LDLRAD3: variants seen among roughly 807,000 people sequenced by gnomAD.
LDLRAD3 encodes the protein low-density lipoprotein receptor class A domain-containing protein 3.
In LDLRAD3, 20 loss-of-function variants were observed where a neutral mutation model predicts 29.4. The ratio of observed to expected loss-of-function variants is 0.68; its 90% CI spans 0.48 to 0.99. LDLRAD3 has a LOEUF of 0.99. Ranked by LOEUF, LDLRAD3 falls within the 50% of genes least tolerant of loss-of-function variation. The pLI is 0.00. For missense variants in LDLRAD3, 420 were observed against 454.3 expected, an observed-to-expected ratio of 0.92 and a Z score of 0.69; for synonymous variants, 157 against 192.7, an observed-to-expected ratio of 0.81 and a Z score of 1.53.
At chr11:35,952,084 ATT>A (rs1240149721) in intron 1 of LDLRAD3, among the ~76,000 whole-genome samples, 1 of 152,110 alleles carries the variant, frequency 6.6e-6, no homozygotes, top group Non-Finnish European at 1.5e-5. Context: ...GGTGGATCTT[ATT>A]TCATTTTCAG....
At chr11:36,148,922 G>A (rs184317388) in intron 4 of LDLRAD3, among the ~76,000 whole-genome samples, 1 of 152,342 alleles carries the variant, frequency 6.6e-6, no homozygotes, top group East Asian at 1.9e-4. Context: ...GCTGCTCTAG[G>A]AGAGACAAAT....
chr11:36,217,906 C>A (rs376113654), intron 4 of LDLRAD3, among the ~76,000 whole-genome samples: 136 of 152,206 alleles, frequency 8.9e-4, no homozygotes, highest in Non-Finnish European at 1.6e-3. Context: ...GGATCTAAAG[C>A]TCTCTCTAAT....
chr11:36,160,204 G>C (rs1278347734), intron 4 of LDLRAD3, among the ~76,000 whole-genome samples: 1 of 152,072 alleles, frequency 6.6e-6, no homozygotes, highest in Non-Finnish European at 1.5e-5. Flanking sequence ...TAAAATTCCA[G>C]CTTGCTGTTT....
intron 1 of LDLRAD3, among the ~76,000 whole-genome samples, chr11:35,960,232 GTTTAT>G (rs899109032): frequency 9.2e-5 from 14 of 152,108 alleles, no homozygotes; most frequent in African/African-American, 3.4e-4. Flanking sequence ...TACAGATACA[GTTTAT>G]TTTAGCTGCG....
intron 1 of LDLRAD3, among the ~76,000 whole-genome samples, chr11:36,029,464 C>G (rs1049157404): frequency 3.9e-5 from 6 of 152,256 alleles, no homozygotes; most frequent in Non-Finnish European, 7.4e-5. Context: ...TCCAGAGTTG[C>G]TGTCAGACCC....
intron 4 of LDLRAD3, among the ~76,000 whole-genome samples, chr11:36,108,064 A>G (rs1416674515): frequency 6.6e-6 from 1 of 151,990 alleles, no homozygotes; most frequent in Non-Finnish European, 1.5e-5. Flanking sequence ...TAATCCCAGC[A>G]CTTTGGGAGG....
intron 2 of LDLRAD3, among the ~76,000 whole-genome samples, chr11:36,055,747 T>G (rs971716208): frequency 6.6e-6 from 1 of 152,254 alleles, no homozygotes; most frequent in Admixed American, 6.5e-5. Flanking sequence ...ACTCTCGCTT[T>G]TCTCAGCCGT....
intron 4 of LDLRAD3, among the ~76,000 whole-genome samples, chr11:36,140,992 T>TCTCTC (rs1854073899): frequency 9.1e-5 from 10 of 110,056 alleles, no homozygotes; most frequent in Admixed American, 3.2e-4. Context: ...CTGTTGAGCT[T>TCTCTC]TCTCTCTCTC....
chr11:36,118,665 T>G (rs566810749), intron 4 of LDLRAD3, among the ~76,000 whole-genome samples: 6 of 152,216 alleles, frequency 3.9e-5, no homozygotes, highest in East Asian at 1.9e-4. Context: ...TGTTTTAGGG[T>G]TTTTTTAACA....
chr11:36,215,648 C>T (rs1016334920), intron 4 of LDLRAD3, among the ~76,000 whole-genome samples: 1 of 152,164 alleles, frequency 6.6e-6, no homozygotes, highest in African/African-American at 2.4e-5. Flanking sequence ...CCCTGCCCTC[C>T]AAGATGCTGG....
At chr11:36,048,475 A>G (rs1852484146) in intron 2 of LDLRAD3, among the ~76,000 whole-genome samples, 1 of 151,942 alleles carries the variant, frequency 6.6e-6, no homozygotes, top group Non-Finnish European at 1.5e-5. Context: ...AAGACCCAAG[A>G]CTCTGGTTGG....
At chr11:36,123,649 A>G (rs928861159) in intron 4 of LDLRAD3, among the ~76,000 whole-genome samples, 1 of 152,230 alleles carries the variant, frequency 6.6e-6, no homozygotes, top group African/African-American at 2.4e-5. Context: ...AATTGGAAAC[A>G]GTTATGCCTC....
intron 2 of LDLRAD3, among the ~76,000 whole-genome samples, chr11:36,065,633 G>T (rs1679256865): frequency 6.6e-5 from 10 of 152,220 alleles, no homozygotes; most frequent in Admixed American, 6.5e-4. Context: ...ATGACACAGA[G>T]AATGTTTTCT....
intron 4 of LDLRAD3, among the ~76,000 whole-genome samples, chr11:36,100,955 C>T (rs1452756210): frequency 1.3e-5 from 2 of 152,282 alleles, no homozygotes; most frequent in East Asian, 3.9e-4. Context: ...TTTAAAGCTC[C>T]TATTTTTTTA....
chr11:36,167,047 A>G (rs1018972381), intron 4 of LDLRAD3, among the ~76,000 whole-genome samples: 7 of 152,210 alleles, frequency 4.6e-5, no homozygotes, highest in African/African-American at 1.7e-4. Context: ...AGGAAAATGG[A>G]ATTAATAGAA....
chr11:36,226,911 G>A lies in LDLRAD3; in HGVS notation c.455-174G>A, dbSNP rs116340954. Among the ~76,000 whole-genome samples the A allele has an allele frequency of 5.7e-3, 861 of 152,270 alleles. 6 individuals carry two copies. Among genetic ancestry groups the A allele is most frequent in the African/African-American group, 0.02 (813 of 41,556 alleles). On this transcript the variant is annotated intron_variant, in intron 4 of 5. Coordinates refer to ENST00000315571, the MANE Select transcript of LDLRAD3 (RefSeq NM_174902.4). ...ATATTCCTTTGGGTGGATGTACCAC[G>A]TTTTGTTTATCCGTTCATCGGTTGG...
At chr11:36,167,952 G>C (rs1370261146) in intron 4 of LDLRAD3, among the ~76,000 whole-genome samples, 1 of 152,154 alleles carries the variant, frequency 6.6e-6, no homozygotes, top group Non-Finnish European at 1.5e-5. Flanking sequence ...TCATAGAAGA[G>C]AAGTTCAGAG....
At chr11:36,003,874 T>G (rs945643572) in intron 1 of LDLRAD3, among the ~76,000 whole-genome samples, 3 of 152,156 alleles carry the variant, frequency 2.0e-5, no homozygotes, top group African/African-American at 7.2e-5. Flanking sequence ...AAGCACCTTA[T>G]TCACATGGTG....
In LDLRAD3 at chr11:36,213,756, G is replaced by A. The variant is rs1855315155; in HGVS notation, c.455-13329G>A. 6.6e-6 allele frequency among the ~76,000 whole-genome samples: 1 copy of A among 152,202 alleles called. No homozygotes were observed. The highest frequency in any genetic ancestry group is 1.5e-5 in the Non-Finnish European group (1 of 68,036). ...AGTGGACGAATGAATTGTGGACCCAGCCAGACTCCCCTCCATCGCATCACA... is the reference window on the plus strand; with the variant it reads ...AGTGGACGAATGAATTGTGGACCCAACCAGACTCCCCTCCATCGCATCACA... On this transcript the variant is annotated intron_variant, in intron 4 of 5. Transcript: ENST00000315571. The surrounding 1 kb of genome is among the most constrained non-coding windows in gnomAD (Gnocchi z 4.1).
Sources: allele counts gnomAD v4.1 joint callset (sites outside exome capture counted in the v4.1 genomes callset), GRCh38; gene constraint gnomAD v4.1.1; non-coding constraint Gnocchi (gnomAD v3.1); transcripts MANE v1.5; gene names NCBI Gene and HGNC (gene_info 2026-07-23, HGNC 2026-07-21).